The following ZBTB10 variants were observed in gnomAD, a reference collection of about 807,000 sequenced individuals.
ZBTB10 encodes zinc finger and BTB domain containing 10, also known as zinc finger and BTB domain-containing protein 10.
Under a neutral mutation model 76.4 loss-of-function variants are expected in ZBTB10, and 32 were observed. The observed-to-expected ratio is 0.42, with a 90% CI of 0.32 to 0.56. ZBTB10 has a LOEUF of 0.56. ZBTB10 is among the 20% of genes least tolerant of loss of function. The pLI, the probability that ZBTB10 is intolerant of heterozygous loss-of-function variation, is 0.14. For synonymous variants in ZBTB10, 523 were observed against 432.9 expected, an observed-to-expected ratio of 1.21 and a Z score of -2.58; for missense variants, 1,057 against 1,098.5, an observed-to-expected ratio of 0.96 and a Z score of 0.53.
chr8:80,488,745 C>T lies in ZBTB10; in HGVS notation c.972+963C>T, dbSNP rs555193590. On this transcript the variant is annotated intron_variant, in intron 1 of 5. Transcript: ENST00000455036. ...AGCCAAACAGATGTTGATCAGTCCT[C>T]CTTTTTGACTTTAAGGCAACCTGTG... is the stretch of plus-strand genomic sequence containing the variant. 5.3e-5 allele frequency among the ~76,000 whole-genome samples: 8 copies of T among 152,312 alleles called. No homozygotes were observed. The East Asian group carries it at 1.5e-3, about 29-fold the overall frequency.
rs569674425 is a variant in ZBTB10, at chr8:80,487,286, C to A, written c.476C>A (p.Ala159Glu). ...AGGCATTTCAATGGGCGAGGGCCGG[C>A]GACTGTGGATCTGGAGCTGGACGCG... ...PLRHFNGRGP[A>E]TVDLELDALE... The change falls in exon 1 of 6, where the codon GCG (alanine) becomes GAG (glutamate). Residue 159 changes from alanine to glutamate, a missense_variant. By Grantham distance (107) the Ala-to-Glu change is moderately radical. Coordinates refer to ENST00000455036, the MANE Select transcript of ZBTB10 (RefSeq NM_001105539.3). 15 of 1,549,528 alleles carry A rather than the reference C, an allele frequency of 9.7e-6. No individual in the cohort carries two copies. Among genetic ancestry groups the A allele is most frequent in the Non-Finnish European group, 1.3e-5 (15 of 1,147,258 alleles).
intron 2 of ZBTB10, among the ~76,000 whole-genome samples, chr8:80,512,519 T>TG (rs1330198890): frequency 6.6e-6 from 1 of 152,192 alleles, no homozygotes; most frequent in Non-Finnish European, 1.5e-5. Flanking sequence ...AAGGCCAGCC[T>TG]GGGCAACATA....
At chr8:80,515,822 T>C (rs1446889329) in intron 3 of ZBTB10, among the ~76,000 whole-genome samples, 1 of 152,192 alleles carries the variant, frequency 6.6e-6, no homozygotes, top group Non-Finnish European at 1.5e-5. Flanking sequence ...ATATTATTGA[T>C]CAGTAAGCAC....
Position 80,518,562 on chromosome 8 carries a change from A to G in ZBTB10, c.2120A>G (p.Gln707Arg). 2 of 1,550,394 alleles carry G rather than the reference A, an allele frequency of 1.3e-6. No individual in the cohort carries two copies. Among genetic ancestry groups the G allele is most frequent in the Non-Finnish European group, 1.7e-6 (2 of 1,147,074 alleles). Residue 707 changes from glutamine to arginine, a missense_variant, in exon 4 of 6, where the codon CAA becomes CGA. Physicochemically the swap from Gln to Arg is conservative, Grantham distance 43. Around this residue, in one of 5 missense-constraint regions of ZBTB10, gnomAD observed 54 missense variants for 138.1 expected, o/e 0.39. Coordinates refer to ENST00000455036, the MANE Select transcript of ZBTB10 (RefSeq NM_001105539.3). ...TTATTGCCAGAATCTTGGCCAAAACAAGAAACCTGGGAAAATGGCAAGTAT... is the reference window on the plus strand; with the variant it reads ...TTATTGCCAGAATCTTGGCCAAAACGAGAAACCTGGGAAAATGGCAAGTAT... ...YGLLPESWPK[Q>R]ETWENGESSL...
chr8:80,492,342 C>G (rs917912908), intron 1 of ZBTB10, among the ~76,000 whole-genome samples: 7 of 152,140 alleles, frequency 4.6e-5, no homozygotes, highest in Non-Finnish European at 8.8e-5. Flanking sequence ...TGGCAAAGCA[C>G]TGGAGATAAA....
rs527313349 is a variant in ZBTB10 at position 80,499,066 on chromosome 8, C to T, written c.973-428C>T. ...ATTAATGGTAGATAGGGTGATATGC[C>T]TAGCATAAAATATAACTTGGATATT... is the stretch of plus-strand genomic sequence containing the variant. On this transcript the variant is annotated intron_variant, in intron 1 of 5. Transcript: ENST00000455036. 3.3e-5 allele frequency among the ~76,000 whole-genome samples: 5 copies of T among 152,230 alleles called. No individual in the cohort carries two copies. The East Asian group carries it at 9.6e-4, about 29-fold the overall frequency.
chr8:80,522,394 ACTTT>A lies in ZBTB10; in HGVS notation c.*2872_*2875del, dbSNP rs1816467478. 6 of 151,934 alleles carry A rather than the reference ACTTT, an allele frequency of 3.9e-5. No individual in the cohort carries two copies. Among genetic ancestry groups the A allele is most frequent in the Admixed American group, 2.6e-4 (4 of 15,220 alleles). 9.4% of individuals were successfully genotyped at this position (151,934 alleles called of 1,614,324 possible). On this transcript the variant is annotated 3_prime_UTR_variant, in exon 6 of 6. Transcript: ENST00000455036. ...CTTTTAATGAAGGGGAAGAGTATAA[ACTTT>A]CTTTCATATTCACTCTGTAGTTACA...
intron 1 of ZBTB10, among the ~76,000 whole-genome samples, chr8:80,494,710 G>A (rs1815735600): frequency 6.6e-6 from 1 of 151,994 alleles, no homozygotes; most frequent in Admixed American, 6.6e-5. Context: ...TTGAGCCCAG[G>A]AGTTTGAGAC....
At chr8:80,485,953 G>GCCCCGGCCGCACACGCCCGC, upstream of ZBTB10, 3 of 1,465,438 alleles carry the variant, frequency 2.0e-6, no homozygotes, top group Non-Finnish European at 2.7e-6. Flanking sequence ...GCGTAGCCCG[G>GCCCCGGCCGCACACGCCCGC]CCCCGGCCGC....
In ZBTB10 at chr8:80,488,520, GTACTT is replaced by G. The variant is rs554307275; in HGVS notation, c.972+741_972+745del. ...GATTTTTAAATGCAGTTTCCAATAA[GTACTT>G]TAAGCTTAGCATTAGAAATGTTTAA... On this transcript the variant is annotated intron_variant, in intron 1 of 5. Transcript: ENST00000455036. Among the ~76,000 whole-genome samples the G allele has an allele frequency of 4.6e-5, 7 of 152,264 alleles. No individual in the cohort carries two copies. In the East Asian group the frequency reaches 9.6e-4, roughly 21 times the overall value.
At chr8:80,488,778 A>G (rs1340818646) in intron 1 of ZBTB10, among the ~76,000 whole-genome samples, 1 of 152,146 alleles carries the variant, frequency 6.6e-6, no homozygotes, top group African/African-American at 2.4e-5. Flanking sequence ...GTGGTGGTGG[A>G]TGGAATTCAT....
At chr8:80,509,136 C>A (rs573396511) in intron 2 of ZBTB10, among the ~76,000 whole-genome samples, 1 of 152,078 alleles carries the variant, frequency 6.6e-6, no homozygotes, top group Admixed American at 6.5e-5. Context: ...TTATATAATA[C>A]ATTTGCAACT....
At chr8:80,485,886 G>A, upstream of ZBTB10, 3 of 1,535,568 alleles carry the variant, frequency 2.0e-6, no homozygotes, top group Non-Finnish European at 2.6e-6. Flanking sequence ...GCGGGTAGGT[G>A]CGTGTGGGCA....
At chr8:80,485,916 C>G, upstream of ZBTB10, 1 of 1,527,158 alleles carries the variant, frequency 6.5e-7, no homozygotes, top group Non-Finnish European at 8.8e-7. Context: ...CGGCCAGACC[C>G]TGACACTCGC....
chr8:80,495,381 T>C (rs528747602), intron 1 of ZBTB10, among the ~76,000 whole-genome samples: 37 of 152,064 alleles, frequency 2.4e-4, no homozygotes, highest in Non-Finnish European at 4.6e-4. Context: ...GACCATCTTA[T>C]GTTTTTTTAA....
chr8:80,486,788 C>T lies in ZBTB10; in HGVS notation c.-23C>T. 3.0e-6 allele frequency: 4 copies of T among 1,325,714 alleles called. No homozygotes were observed. Among genetic ancestry groups the T allele is most frequent in the Admixed American group, 4.0e-5 (1 of 24,948 alleles). 82.1% of individuals were successfully genotyped at this position (1,325,714 alleles called of 1,614,324 possible). A position where few individuals can be genotyped will look rare whatever the true frequency, so the allele number is the denominator to read the frequency against. Reference sequence around the variant, plus strand: ...GCCGTGCGCGAGCCGGGGCACCGGGCGGCGGCGGCGGCGGCGCGCGCCATG... The same window carrying T: ...GCCGTGCGCGAGCCGGGGCACCGGGTGGCGGCGGCGGCGGCGCGCGCCATG... On this transcript the variant is annotated 5_prime_UTR_variant, in exon 1 of 6. Coordinates refer to ENST00000455036, the MANE Select transcript of ZBTB10 (RefSeq NM_001105539.3).
chr8:80,517,151 C>T (rs937017878), intron 3 of ZBTB10, among the ~76,000 whole-genome samples: 1 of 152,122 alleles, frequency 6.6e-6, no homozygotes, highest in Non-Finnish European at 1.5e-5. Flanking sequence ...GTAGTCTTTG[C>T]AGCCTTGTAA....
rs1427548701 is a variant in ZBTB10 at position 80,519,573 on chromosome 8, T to C, written c.*45T>C. ...AAGGATGCTGCATTTGGACCTAATA[T>C]GAATCGACAATTTGGATTGTTGAAC... On this transcript the variant is annotated 3_prime_UTR_variant, in exon 6 of 6. Transcript: ENST00000455036. The C allele has an allele frequency of 6.6e-7, 1 of 1,525,762 alleles. No homozygotes were observed. Among genetic ancestry groups the C allele is most frequent in the Admixed American group, 2.0e-5 (1 of 50,172 alleles). The allele number at this position is 1,525,762 out of a possible 1,614,324, so 94.5% of individuals were successfully genotyped here.
chr8:80,508,170 G>T (rs984420287), intron 2 of ZBTB10, among the ~76,000 whole-genome samples: 3 of 152,196 alleles, frequency 2.0e-5, no homozygotes, highest in Non-Finnish European at 2.9e-5. Flanking sequence ...AGCTGAAGAA[G>T]TCTTATGTGG....
Sources: gnomAD v4.1 joint callset for allele counts (sites outside exome capture counted in the v4.1 genomes callset) on GRCh38, gnomAD v4.1.1 for gene constraint, gnomAD v4.1.1 regional missense constraint, MANE v1.5 for transcripts, NCBI Gene and HGNC (gene_info 2026-07-23, HGNC 2026-07-21) for gene names.